STXBP5L: variants seen among roughly 807,000 people sequenced by gnomAD.
STXBP5L encodes the protein syntaxin-binding protein 5-like.
A neutral mutation model predicts 144.5 loss-of-function variants in STXBP5L; 65 were observed. The ratio of observed to expected loss-of-function variants is 0.45; its 90% CI spans 0.37 to 0.55. The LOEUF (loss-of-function observed/expected upper bound fraction) is 0.55, where lower values mean the gene tolerates loss of function less well. STXBP5L is among the 20% of genes least tolerant of loss of function. STXBP5L has a pLI of 0.00. For missense variants in STXBP5L, 1,298 were observed against 1,405.5 expected (o/e 0.92, Z 1.22); for synonymous variants, 505 against 469.6 (o/e 1.08, Z -0.97).
chr3:121,250,673 T>C, intron 14 of STXBP5L, 50 bp from the exon 15 acceptor site: 2 of 1,459,984 alleles, frequency 1.4e-6, no homozygotes, highest in Admixed American at 1.8e-5. Context: ...GGAGTGATTA[T>C]GATTTTTATT....
Position 121,279,919 on chromosome 3 carries a change from A to G in STXBP5L, c.2073A>G (p.Gln691=). 4.3e-6 allele frequency: 7 copies of G among 1,612,462 alleles called. No homozygotes were observed. The highest frequency in any genetic ancestry group is 2.7e-5 in the African/African-American group (2 of 74,952). The part of the protein sequence containing the change: ...LYRSSDLYQR[Q]PRSPRKNKQF... ...GATCAAGTGACTTATACCAGCGACA[A>G]CCACGGTCTCCTCGAAAAAACAAAC... Residue 691 remains glutamine, a synonymous_variant, in exon 19 of 27, where the codon CAA becomes CAG. Coordinates refer to ENST00000471454, the MANE Select transcript of STXBP5L (RefSeq NM_001308330.2).
intron 16 of STXBP5L, among the ~76,000 whole-genome samples, chr3:121,256,388 ATG>A (rs1418979856): frequency 1.3e-5 from 2 of 152,014 alleles, no homozygotes; most frequent in African/African-American, 2.4e-5. Flanking sequence ...TAAGGCAAAT[ATG>A]TGTTATAAAA....
chr3:121,196,121 C>T (rs1004201138), intron 9 of STXBP5L, among the ~76,000 whole-genome samples: 23 of 150,382 alleles, frequency 1.5e-4, no homozygotes, highest in Admixed American at 2.0e-4. Context: ...TTCATTGAAT[C>T]TATAGATCAG....
intron 6 of STXBP5L, among the ~76,000 whole-genome samples, chr3:121,120,113 T>A (rs1375927391): frequency 6.6e-6 from 1 of 151,376 alleles, no homozygotes; most frequent in Admixed American, 6.6e-5. Flanking sequence ...GGAAATAATA[T>A]TTAACTTTAA....
intron 3 of STXBP5L, among the ~76,000 whole-genome samples, chr3:120,965,701 C>T (rs1419503777): frequency 6.6e-6 from 1 of 152,096 alleles, no homozygotes; most frequent in Non-Finnish European, 1.5e-5. Flanking sequence ...CTCTGGCTGC[C>T]CTTAACATTT....
chr3:120,933,332 A>G (rs1336484400), intron 2 of STXBP5L, among the ~76,000 whole-genome samples: 1 of 152,148 alleles, frequency 6.6e-6, no homozygotes, highest in Non-Finnish European at 1.5e-5. Context: ...TAGCTGACGC[A>G]GTTATTTTAA....
At chr3:121,003,619 T>C (rs1943981159) in intron 3 of STXBP5L, among the ~76,000 whole-genome samples, 1 of 152,212 alleles carries the variant, frequency 6.6e-6, no homozygotes, top group African/African-American at 2.4e-5. Flanking sequence ...AGACATGAAG[T>C]CCTTGCCCAT....
chr3:121,202,915 G>GT (rs923334173), intron 9 of STXBP5L, among the ~76,000 whole-genome samples: 24 of 151,480 alleles, frequency 1.6e-4, no homozygotes, highest in African/African-American at 4.6e-4. Flanking sequence ...CATAGATAAT[G>GT]TTTTTTTCAA....
chr3:121,033,135 C>T (rs1324039814), intron 3 of STXBP5L, among the ~76,000 whole-genome samples: 94 of 122,676 alleles, frequency 7.7e-4, no homozygotes, highest in East Asian at 5.1e-3. Context: ...ATGTTTATTG[C>T]GGCATTATTC....
intron 3 of STXBP5L, among the ~76,000 whole-genome samples, chr3:121,005,924 T>A (rs537248451): frequency 2.8e-4 from 42 of 152,350 alleles, no homozygotes; most frequent in African/African-American, 9.4e-4. Flanking sequence ...AGACAGTTTG[T>A]TATGATTTCT....
At position 120,969,506 on chromosome 3, in the gene STXBP5L, CTGTT is replaced by C. The variant is rs545736899; in HGVS notation, c.287+14472_287+14475del. The stretch of plus-strand genomic sequence containing the variant: ...GATTTTCTTTCACTCTGTGGGTTGT[CTGTT>C]TGCTGATTATTTCTTTTGCTCTACA... On this transcript the variant is annotated intron_variant, in intron 3 of 26. Transcript: ENST00000471454. 3.6e-3 allele frequency among the ~76,000 whole-genome samples: 537 copies of C among 149,070 alleles called. 5 individuals are homozygous for C. The highest frequency in any genetic ancestry group is 0.011 in the African/African-American group (440 of 40,514).
At chr3:120,923,509 T>G (rs944910340) in intron 2 of STXBP5L, among the ~76,000 whole-genome samples, 4 of 152,104 alleles carry the variant, frequency 2.6e-5, no homozygotes, top group African/African-American at 7.2e-5. Context: ...TTTTGCTGTA[T>G]CTCATAGATT....
chr3:121,312,915 C>T (rs1466244284), intron 19 of STXBP5L, among the ~76,000 whole-genome samples: 9 of 152,314 alleles, frequency 5.9e-5, no homozygotes, highest in South Asian at 2.1e-4. Flanking sequence ...CCACCCTTCC[C>T]GCCTTTCTAT....
At chr3:121,008,565 A>G (rs1035638980) in intron 3 of STXBP5L, among the ~76,000 whole-genome samples, 7 of 152,064 alleles carry the variant, frequency 4.6e-5, no homozygotes, top group Non-Finnish European at 8.8e-5. Flanking sequence ...GACTGGAAGT[A>G]TTAATCCTCA....
intron 5 of STXBP5L, among the ~76,000 whole-genome samples, chr3:121,085,581 T>C (rs969768644): frequency 1.3e-5 from 2 of 152,062 alleles, no homozygotes; most frequent in African/African-American, 2.4e-5. Context: ...TCACAATTGC[T>C]ACAAAGAGAA....
chr3:121,135,844 G>A (rs2045230619), intron 7 of STXBP5L, among the ~76,000 whole-genome samples: 1 of 152,112 alleles, frequency 6.6e-6, no homozygotes, highest in African/African-American at 2.4e-5. Flanking sequence ...CATCCAATGG[G>A]CTGAAGTTCC....
intron 9 of STXBP5L, among the ~76,000 whole-genome samples, chr3:121,169,259 C>T (rs1385457259): frequency 6.6e-6 from 1 of 152,106 alleles, no homozygotes; most frequent in Non-Finnish European, 1.5e-5. Context: ...GGATCATCCA[C>T]CCTCTGAAGA....
chr3:121,121,496 A>C, intron 6 of STXBP5L, 145 bp from the exon 7 acceptor site: 1 of 490,976 alleles, frequency 2.0e-6, no homozygotes, highest in Non-Finnish European at 3.6e-6. Flanking sequence ...CTGGTAAAGT[A>C]AATAAAAAAC....
intron 10 of STXBP5L, 49 bp from the exon 11 acceptor site, chr3:121,222,954 T>G: frequency 6.5e-7 from 1 of 1,547,770 alleles, no homozygotes; most frequent in Non-Finnish European, 8.7e-7. Context: ...TGTGACTTTG[T>G]GTCATTTTAA....
Sources: allele counts gnomAD v4.1 joint callset (sites outside exome capture counted in the v4.1 genomes callset), GRCh38; gene constraint gnomAD v4.1.1; transcripts MANE v1.5; gene names NCBI Gene and HGNC (gene_info 2026-07-23, HGNC 2026-07-21).